NLGN1: variants seen among roughly 807,000 people sequenced by gnomAD.
NLGN1 encodes neuroligin-1.
In NLGN1, 12 loss-of-function variants were observed where a neutral mutation model predicts 65.5. The observed-to-expected ratio is 0.18, with a 90% CI of 0.12 to 0.30. The LOEUF (loss-of-function observed/expected upper bound fraction) is 0.30. Ranked by LOEUF, NLGN1 falls within the 10% of genes least tolerant of loss-of-function variation. The pLI, the probability that NLGN1 is intolerant of heterozygous loss-of-function variation, is 1.00. For missense variants in NLGN1, 750 were observed against 1,007.1 expected (o/e 0.74, Z 3.46); for synonymous variants, 350 against 359.5 (o/e 0.97, Z 0.30).
At chr3:173,407,501 T>G (rs192245798) in intron 1 of NLGN1, among the ~76,000 whole-genome samples, 1 of 152,362 alleles carries the variant, frequency 6.6e-6, no homozygotes, top group East Asian at 1.9e-4. Flanking sequence ...ATTCTGTATA[T>G]AAGTTACCAT....
At chr3:173,691,775 G>A (rs1765495778) in intron 3 of NLGN1, among the ~76,000 whole-genome samples, 1 of 151,976 alleles carries the variant, frequency 6.6e-6, no homozygotes, top group African/African-American at 2.4e-5. Flanking sequence ...TTACTGAACA[G>A]CTTCCAAAAC....
intron 2 of NLGN1, among the ~76,000 whole-genome samples, chr3:173,554,193 A>G (rs1052792686): frequency 1.3e-5 from 2 of 152,254 alleles, no homozygotes; most frequent in African/African-American, 4.8e-5. Flanking sequence ...ATAAAGTACT[A>G]GCAGTTTCCA....
At chr3:173,899,869 A>G (rs915680694) in intron 4 of NLGN1, among the ~76,000 whole-genome samples, 1 of 152,120 alleles carries the variant, frequency 6.6e-6, no homozygotes, top group Non-Finnish European at 1.5e-5. Flanking sequence ...AACTTGAATC[A>G]AATTCGAGAT....
chr3:173,621,160 C>CAA (rs1313695321), intron 3 of NLGN1, among the ~76,000 whole-genome samples: 1 of 151,964 alleles, frequency 6.6e-6, no homozygotes, highest in Non-Finnish European at 1.5e-5. Flanking sequence ...TACAAATAAT[C>CAA]AAATATGTAC....
At chr3:173,931,694 T>C (rs1744115718) in intron 4 of NLGN1, among the ~76,000 whole-genome samples, 1 of 152,112 alleles carries the variant, frequency 6.6e-6, no homozygotes, top group Admixed American at 6.6e-5. Context: ...TTACCTTGCC[T>C]GGGTAGAAGG....
At chr3:174,066,469 A>AATATCAGT (rs1430666038) in intron 4 of NLGN1, among the ~76,000 whole-genome samples, 3 of 147,000 alleles carry the variant, frequency 2.0e-5, no homozygotes, top group African/African-American at 7.6e-5. Context: ...TTTTGACCCA[A>AATATCAGT]ATATCAGTTT....
intron 4 of NLGN1, among the ~76,000 whole-genome samples, chr3:173,957,769 C>T (rs1712460532): frequency 6.6e-6 from 1 of 152,180 alleles, no homozygotes; most frequent in Admixed American, 6.5e-5. Flanking sequence ...GTTGCTTCAC[C>T]AGCCAGAAAC....
intron 4 of NLGN1, among the ~76,000 whole-genome samples, chr3:174,139,068 A>C (rs570423864): frequency 6.6e-6 from 1 of 152,234 alleles, no homozygotes; most frequent in Non-Finnish European, 1.5e-5. Context: ...ATGTTGTACT[A>C]AAACTAAGTA....
intron 2 of NLGN1, among the ~76,000 whole-genome samples, chr3:173,569,116 ATG>A (rs1489114919): frequency 6.6e-6 from 1 of 152,210 alleles, no homozygotes; most frequent in African/African-American, 2.4e-5. Flanking sequence ...TACACTAATA[ATG>A]TGTTAGTTTA....
intron 4 of NLGN1, among the ~76,000 whole-genome samples, chr3:173,950,458 C>T (rs993107794): frequency 6.6e-5 from 10 of 152,150 alleles, no homozygotes; most frequent in Admixed American, 2.6e-4. Context: ...CTAACAAATA[C>T]GTATGTTTAT....
chr3:174,273,339 TTCTA>T (rs370435344), intron 4 of NLGN1, among the ~76,000 whole-genome samples: 1 of 151,666 alleles, frequency 6.6e-6, no homozygotes, highest in African/African-American at 2.4e-5. Context: ...TCAAGAGTTT[TTCTA>T]TCTAATGTAC....
intron 2 of NLGN1, among the ~76,000 whole-genome samples, chr3:173,588,911 A>G (rs1238845829): frequency 2.0e-5 from 3 of 152,202 alleles, no homozygotes; most frequent in Non-Finnish European, 2.9e-5. Context: ...ATGACAGGCA[A>G]TTGTGGATGG....
rs186045504 is a variant in NLGN1 at position 173,616,993 on chromosome 3, C to T, written c.493+11902C>T. On this transcript the variant is annotated intron_variant, in intron 3 of 6. Transcript: ENST00000457714. ...TTCAATCTCCTTCTGTATATTTCTC[C>T]CTTCTCTCTACTTTCTAGCTTTGTT... Among the ~76,000 whole-genome samples the T allele has an allele frequency of 2.6e-5, 4 of 152,132 alleles. No homozygotes were observed. The East Asian group carries it at 7.8e-4, about 29-fold the overall frequency.
chr3:173,797,712 GAAAC>G (rs1040276421), intron 3 of NLGN1, among the ~76,000 whole-genome samples: 8 of 128,824 alleles, frequency 6.2e-5, no homozygotes, highest in East Asian at 2.5e-4. Flanking sequence ...AAAAAAACAA[GAAAC>G]AAACAAGCAA....
Position 173,481,171 on chromosome 3 carries a change from A to G in NLGN1, c.-321+46093A>G, listed in dbSNP as rs1324127194. ...AACACAATAGTTATGCCATAAATAT[A>G]TGCTATTTTAGAGAGATTATTTACA... On this transcript the variant is annotated intron_variant, in intron 2 of 6. Transcript: ENST00000457714. Among the ~76,000 whole-genome samples the G allele has an allele frequency of 2.0e-5, 3 of 152,064 alleles. No individual in the cohort carries two copies. The East Asian group carries it at 5.8e-4, about 29-fold the overall frequency.
chr3:174,273,689 A>C (rs1749929785), intron 4 of NLGN1, among the ~76,000 whole-genome samples: 2 of 151,728 alleles, frequency 1.3e-5, no homozygotes, highest in Admixed American at 6.6e-5. Context: ...CTTTAGTCTT[A>C]AGGAAAGTTA....
intron 4 of NLGN1, among the ~76,000 whole-genome samples, chr3:173,880,278 T>C (rs921428242): frequency 6.6e-6 from 1 of 152,062 alleles, no homozygotes; most frequent in South Asian, 2.1e-4. Flanking sequence ...AATGTAGACC[T>C]TTTCTAGACT....
chr3:174,252,034 A>C (rs1744864238), intron 4 of NLGN1, among the ~76,000 whole-genome samples: 1 of 152,190 alleles, frequency 6.6e-6, no homozygotes, highest in South Asian at 2.1e-4. Flanking sequence ...TTTTAAAGGC[A>C]AGAATAAGCA....
chr3:173,404,321 G>A (rs1718229145), intron 1 of NLGN1, among the ~76,000 whole-genome samples: 1 of 152,056 alleles, frequency 6.6e-6, no homozygotes, highest in East Asian at 1.9e-4. Flanking sequence ...ATGGATGTTG[G>A]TGATCTTCTT....
Sources: gnomAD v4.1 joint callset for allele counts (sites outside exome capture counted in the v4.1 genomes callset) on GRCh38, gnomAD v4.1.1 for gene constraint, MANE v1.5 for transcripts, NCBI Gene and HGNC (gene_info 2026-07-23, HGNC 2026-07-21) for gene names.